FGF12: variants seen among roughly 807,000 people sequenced by gnomAD.
The protein encoded by FGF12 is fibroblast growth factor 12B.
A neutral mutation model predicts 23.6 loss-of-function variants in FGF12; 14 were observed. The observed-to-expected ratio is 0.59, with a 90% CI of 0.39 to 0.93. FGF12 has a LOEUF of 0.93. FGF12 is among the 40% of genes least tolerant of loss of function. FGF12 has a pLI of 0.00. For missense variants in FGF12, 175 were observed against 217.8 expected (o/e 0.80, Z 1.24); for synonymous variants, 62 against 77.3 (o/e 0.80, Z 1.04).
chr3:192,575,032 A>G (rs941471705), intron 2 of FGF12, among the ~76,000 whole-genome samples: 1 of 152,268 alleles, frequency 6.6e-6, no homozygotes, highest in Non-Finnish European at 1.5e-5. Context: ...TGGTATATCC[A>G]TACAATGGAA....
intron 4 of FGF12, among the ~76,000 whole-genome samples, chr3:192,218,017 A>C (rs534000958): frequency 6.6e-6 from 1 of 151,926 alleles, no homozygotes; most frequent in African/African-American, 2.4e-5. Context: ...TTGTATTTTT[A>C]GTAGAGATGT....
intron 4 of FGF12, among the ~76,000 whole-genome samples, chr3:192,203,929 A>G (rs1420956767): frequency 1.3e-5 from 2 of 152,066 alleles, no homozygotes; most frequent in African/African-American, 4.8e-5. Context: ...TATGATTTCA[A>G]TTTTAGACAT....
At chr3:192,674,435 G>A (rs1018394830) in intron 2 of FGF12, among the ~76,000 whole-genome samples, 2 of 152,130 alleles carry the variant, frequency 1.3e-5, no homozygotes, top group Admixed American at 6.5e-5. Flanking sequence ...ACTATGAATA[G>A]TATGTTAGAA....
At chr3:192,188,744 A>T (rs972909834) in intron 4 of FGF12, among the ~76,000 whole-genome samples, 2 of 152,192 alleles carry the variant, frequency 1.3e-5, no homozygotes, top group African/African-American at 4.8e-5. Context: ...TGAGCGTTGG[A>T]CTCATTTAAA....
chr3:192,473,544 A>G lies in FGF12; in HGVS notation c.14-113006T>C, dbSNP rs538734771. On this transcript the variant is annotated intron_variant, in intron 2 of 5. Coordinates refer to ENST00000445105, the MANE Select transcript of FGF12 (RefSeq NM_004113.6). ...CATGGTAATTATTACTTATATACCA[A>G]TATGTCATTTCTGAAACACTTAAGA... Among the ~76,000 whole-genome samples the G allele has an allele frequency of 1.5e-4, 23 of 152,356 alleles. 1 individual carries two copies. The highest frequency in any genetic ancestry group is 5.5e-4 in the African/African-American group (23 of 41,584).
At chr3:192,552,382 ACAAAATT>A (rs954435821) in intron 2 of FGF12, among the ~76,000 whole-genome samples, 6 of 151,588 alleles carry the variant, frequency 4.0e-5, no homozygotes, top group Admixed American at 1.3e-4. Context: ...GAAGCAAAAA[ACAAAATT>A]CAAAATTCAA....
At chr3:192,687,979 C>G (rs1224912077) in intron 2 of FGF12, among the ~76,000 whole-genome samples, 1 of 152,166 alleles carries the variant, frequency 6.6e-6, no homozygotes, top group East Asian at 1.9e-4. Flanking sequence ...ATGCCTTCAG[C>G]CAGCAACTGA....
intron 2 of FGF12, among the ~76,000 whole-genome samples, chr3:192,392,390 A>C (rs1346109740): frequency 6.7e-6 from 1 of 150,324 alleles, no homozygotes; most frequent in Non-Finnish European, 1.5e-5. Flanking sequence ...CAACATGGAG[A>C]AACCCCGTCT....
chr3:192,632,962 T>A (rs756664814), intron 2 of FGF12, among the ~76,000 whole-genome samples: 2 of 152,182 alleles, frequency 1.3e-5, no homozygotes, highest in Non-Finnish European at 2.9e-5. Context: ...GGCTCATCGA[T>A]GCATCAATTC....
chr3:192,714,998 CA>C (rs1454428603), intron 2 of FGF12, among the ~76,000 whole-genome samples: 1 of 152,106 alleles, frequency 6.6e-6, no homozygotes, highest in Non-Finnish European at 1.5e-5. Context: ...CAGAGACTGG[CA>C]AAAATCAGAG....
At chr3:192,322,156 G>A (rs989362971) in intron 4 of FGF12, among the ~76,000 whole-genome samples, 6 of 151,654 alleles carry the variant, frequency 4.0e-5, no homozygotes, top group Non-Finnish European at 5.9e-5. Flanking sequence ...ACAAAAATCG[G>A]TGGCATTCTA....
intron 2 of FGF12, among the ~76,000 whole-genome samples, chr3:192,624,685 C>A (rs1305999223): frequency 6.6e-6 from 1 of 152,018 alleles, no homozygotes; most frequent in Non-Finnish European, 1.5e-5. Context: ...AGCTTCGTAG[C>A]AAGGAGAAAG....
intron 2 of FGF12, among the ~76,000 whole-genome samples, chr3:192,706,277 T>C (rs1215416956): frequency 2.0e-5 from 3 of 152,182 alleles, no homozygotes; most frequent in Admixed American, 6.5e-5. Context: ...AAATAAATAA[T>C]AATCTCATAA....
At chr3:192,606,854 C>T (rs973570368) in intron 2 of FGF12, among the ~76,000 whole-genome samples, 3 of 152,122 alleles carry the variant, frequency 2.0e-5, no homozygotes, top group African/African-American at 7.2e-5. Context: ...TTCAGTCTTC[C>T]CCCTGACTCC....
chr3:192,640,161 T>C (rs2108663614), intron 2 of FGF12, among the ~76,000 whole-genome samples: 2 of 152,256 alleles, frequency 1.3e-5, no homozygotes, highest in South Asian at 2.1e-4. Flanking sequence ...CTACAGCTAA[T>C]AAATGTGTGC....
chr3:192,211,986 T>C (rs1717952230), intron 4 of FGF12, among the ~76,000 whole-genome samples: 1 of 152,236 alleles, frequency 6.6e-6, no homozygotes, highest in Non-Finnish European at 1.5e-5. Flanking sequence ...AAACAGCCTA[T>C]AGCGTTCTCC....
At chr3:192,144,663 A>G (rs1577169210) in intron 5 of FGF12, among the ~76,000 whole-genome samples, 1 of 152,222 alleles carries the variant, frequency 6.6e-6, no homozygotes, top group African/African-American at 2.4e-5. Flanking sequence ...ACATTTAGCT[A>G]AAGTAAGAAA....
chr3:192,438,363 T>G (rs1722092193), intron 2 of FGF12, among the ~76,000 whole-genome samples: 1 of 152,234 alleles, frequency 6.6e-6, no homozygotes, highest in Admixed American at 6.5e-5. Flanking sequence ...ACTTAAGGCT[T>G]GCACTTATCA....
chr3:192,526,722 T>C (rs1330655796), intron 2 of FGF12, among the ~76,000 whole-genome samples: 2 of 152,228 alleles, frequency 1.3e-5, no homozygotes, highest in African/African-American at 2.4e-5. Flanking sequence ...CTGAATTGAA[T>C]TGAAAACTTT....
Sources: allele counts gnomAD v4.1 joint callset (sites outside exome capture counted in the v4.1 genomes callset), GRCh38; gene constraint gnomAD v4.1.1; transcripts MANE v1.5; gene names NCBI Gene and HGNC (gene_info 2026-07-23, HGNC 2026-07-21).